The following CAMTA1 variants were observed in gnomAD, a reference collection of about 807,000 sequenced individuals.
CAMTA1 encodes calmodulin-binding transcription activator 1.
A neutral mutation model predicts 170.9 loss-of-function variants in CAMTA1; 27 were observed. The observed-to-expected ratio is 0.16, with a 90% CI of 0.12 to 0.22. The LOEUF (loss-of-function observed/expected upper bound fraction) is 0.22, where lower values mean the gene tolerates loss of function less well. Among genes scored for constraint, CAMTA1 ranks in the 10% least tolerant of loss-of-function variants. CAMTA1 has a pLI of 1.00. For missense variants in CAMTA1, 1,619 were observed against 2,217.2 expected, an observed-to-expected ratio of 0.73 and a Z score of 5.42; for synonymous variants, 833 against 891.5, an observed-to-expected ratio of 0.93 and a Z score of 1.17.
intron 21 of CAMTA1, among the ~76,000 whole-genome samples, chr1:7,753,499 A>G (rs1002192319): frequency 2.0e-5 from 3 of 152,176 alleles, no homozygotes; most frequent in Non-Finnish European, 4.4e-5. Flanking sequence ...AAGTCCTAGT[A>G]TTCATATTTA....
At chr1:7,723,145 T>G (rs984292829) in intron 11 of CAMTA1, among the ~76,000 whole-genome samples, 1 of 151,822 alleles carries the variant, frequency 6.6e-6, no homozygotes, top group South Asian at 2.1e-4. Flanking sequence ...CGTTCTCCAA[T>G]AAAAAGAACC....
chr1:6,820,685 T>A (rs779947062), intron 2 of CAMTA1, among the ~76,000 whole-genome samples: 6 of 152,186 alleles, frequency 3.9e-5, no homozygotes, highest in Non-Finnish European at 7.3e-5. Flanking sequence ...CTCTGTAAAA[T>A]GGGAGTAATT....
At chr1:7,698,738 A>G (rs17461217) in intron 11 of CAMTA1, 9,142 of 152,372 alleles carry the variant, frequency 0.06, 354 homozygotes, top group Non-Finnish European at 0.086. Context: ...CAGGGACATC[A>G]TCATGGCCAG....
intron 5 of CAMTA1, among the ~76,000 whole-genome samples, chr1:7,459,219 A>G (rs1575442022): frequency 6.6e-6 from 1 of 152,152 alleles, no homozygotes; most frequent in South Asian, 2.1e-4. Context: ...TAGCCGGGTG[A>G]CCTTAGACAA....
chr1:7,245,884 C>A (rs1665691469), intron 4 of CAMTA1, among the ~76,000 whole-genome samples: 1 of 152,130 alleles, frequency 6.6e-6, no homozygotes, highest in Non-Finnish European at 1.5e-5. Context: ...AGGAGGAATG[C>A]AAATGAAGGG....
intron 6 of CAMTA1, among the ~76,000 whole-genome samples, chr1:7,600,491 C>CTTTTTCT (rs71567306): frequency 1.4e-5 from 2 of 143,034 alleles, no homozygotes; most frequent in Non-Finnish European, 3.1e-5. Context: ...TTTTCTTTTT[C>CTTTTTCT]TTTTTTTTTT....
rs773988686 is a variant in CAMTA1 at position 6,965,007 on chromosome 1, A to G, written c.235-126297A>G. ...CTCCAAGGGTCGCAGAGCAGCAGGT[A>G]GAGACTTAGAGTCTGTGCTAACAGA... is the stretch of plus-strand genomic sequence containing the variant. On this transcript the variant is annotated intron_variant, in intron 3 of 22. Coordinates refer to ENST00000303635, the MANE Select transcript of CAMTA1 (RefSeq NM_015215.4). The surrounding 1 kb of genome is among the most constrained non-coding windows in gnomAD (Gnocchi z 4.1). Among the ~76,000 whole-genome samples the G allele has an allele frequency of 1.9e-4, 29 of 152,184 alleles. No homozygotes were observed. Among genetic ancestry groups the G allele is most frequent in the South Asian group, 6.2e-4 (3 of 4,830 alleles).
In CAMTA1 at chr1:7,092,994, G is replaced by A. The variant is rs1169598135; in HGVS notation, c.302+1623G>A. Among the ~76,000 whole-genome samples the A allele has an allele frequency of 6.6e-6, 1 of 152,230 alleles. No homozygotes were observed. The highest frequency in any genetic ancestry group is 2.4e-5 in the African/African-American group (1 of 41,470). ...CCTGGCCAAGCCCAGTAAGAATGGGGCTGGGAAGGACATCCCTCCACAGAG... is the reference window on the plus strand; with the variant it reads ...CCTGGCCAAGCCCAGTAAGAATGGGACTGGGAAGGACATCCCTCCACAGAG... On this transcript the variant is annotated intron_variant, in intron 4 of 22. Transcript: ENST00000303635. The surrounding 1 kb of genome is among the most constrained non-coding windows in gnomAD (Gnocchi z 5.0).
intron 3 of CAMTA1, among the ~76,000 whole-genome samples, chr1:7,026,301 T>C (rs1702008046): frequency 1.3e-5 from 2 of 152,108 alleles, no homozygotes; most frequent in South Asian, 4.1e-4. Flanking sequence ...GGATTGCTGC[T>C]CAGGCCCTGT....
chr1:7,648,542 G>A (rs1251189968), intron 7 of CAMTA1, among the ~76,000 whole-genome samples: 1 of 152,228 alleles, frequency 6.6e-6, no homozygotes. Context: ...CTGGCCAGCA[G>A]TGTTCACTTA....
At chr1:7,330,966 G>A (rs912610924) in intron 5 of CAMTA1, among the ~76,000 whole-genome samples, 7 of 152,162 alleles carry the variant, frequency 4.6e-5, no homozygotes, top group Non-Finnish European at 8.8e-5. Flanking sequence ...TTAGAGTCGG[G>A]TACAGTGGCT....
At chr1:7,264,338 G>A (rs1217579192) in intron 5 of CAMTA1, among the ~76,000 whole-genome samples, 1 of 152,186 alleles carries the variant, frequency 6.6e-6, no homozygotes, top group Non-Finnish European at 1.5e-5. Context: ...TGATCAACAA[G>A]TACCACACAC....
chr1:7,096,173 C>G (rs549386667), intron 4 of CAMTA1, among the ~76,000 whole-genome samples: 1 of 152,288 alleles, frequency 6.6e-6, no homozygotes, highest in South Asian at 2.1e-4. Context: ...AGGAGGGGGT[C>G]TAGAAGGAAA....
intron 4 of CAMTA1, among the ~76,000 whole-genome samples, chr1:7,131,236 G>A (rs927310278): frequency 3.9e-5 from 6 of 152,188 alleles, no homozygotes; most frequent in Non-Finnish European, 7.4e-5. Flanking sequence ...ACAGGTGCGA[G>A]CCACTGCGCC....
intron 3 of CAMTA1, among the ~76,000 whole-genome samples, chr1:6,947,659 G>A (rs1469006612): frequency 6.6e-6 from 1 of 151,912 alleles, no homozygotes; most frequent in African/African-American, 2.4e-5. Flanking sequence ...TGGGATTACA[G>A]GCATGAGCCA....
At chr1:7,354,915 A>G (rs1439453063) in intron 5 of CAMTA1, among the ~76,000 whole-genome samples, 1 of 152,080 alleles carries the variant, frequency 6.6e-6, no homozygotes, top group African/African-American at 2.4e-5. Context: ...AATTGTCTTC[A>G]TCTGGGCTGG....
rs548075419 is a variant in CAMTA1, at chr1:6,965,562, G to T, written c.235-125742G>T. Among the ~76,000 whole-genome samples, 1 of 152,166 alleles carries T rather than the reference G, an allele frequency of 6.6e-6. No homozygotes were observed. The highest frequency in any genetic ancestry group is 2.1e-4 in the South Asian group (1 of 4,818). On this transcript the variant is annotated intron_variant, in intron 3 of 22. Coordinates refer to ENST00000303635, the MANE Select transcript of CAMTA1 (RefSeq NM_015215.4). The surrounding 1 kb of genome is among the most constrained non-coding windows in gnomAD (Gnocchi z 4.1). ...GGCTCTAGATGGAGGGAGGGGACAG[G>T]TTGGTGATTGTGTGCCCTGGTTTCT...
chr1:7,068,320 C>T (rs897490335), intron 3 of CAMTA1, among the ~76,000 whole-genome samples: 13 of 151,686 alleles, frequency 8.6e-5, no homozygotes, highest in African/African-American at 1.9e-4. Flanking sequence ...CCTCTTCCAC[C>T]GCCTCTCTCC....
intron 6 of CAMTA1, among the ~76,000 whole-genome samples, chr1:7,601,576 AG>A (rs1426687869): frequency 6.6e-6 from 1 of 152,180 alleles, no homozygotes; most frequent in African/African-American, 2.4e-5. Context: ...GCACTTTGGG[AG>A]GCCAAGGCAG....
Sources: allele counts gnomAD v4.1 joint callset (sites outside exome capture counted in the v4.1 genomes callset), GRCh38; gene constraint gnomAD v4.1.1; non-coding constraint Gnocchi (gnomAD v3.1); transcripts MANE v1.5; gene names NCBI Gene and HGNC (gene_info 2026-07-23, HGNC 2026-07-21).